The following STAT5B variants were observed in gnomAD, a reference collection of about 807,000 sequenced individuals.
The protein encoded by STAT5B is signal transducer and activator of transcription 5B.
In STAT5B, 21 loss-of-function variants were observed where a neutral mutation model predicts 107.8. That is an observed-to-expected ratio of 0.19 (90% confidence interval 0.14 to 0.28). The LOEUF (loss-of-function observed/expected upper bound fraction) is 0.28. STAT5B is among the 10% of genes least tolerant of loss of function. The pLI is 1.00. For synonymous variants in STAT5B, 325 were observed against 401.7 expected, an observed-to-expected ratio of 0.81 and a Z score of 2.28; for missense variants, 565 against 1,008.2, an observed-to-expected ratio of 0.56 and a Z score of 5.95.
intron 11 of STAT5B, among the ~76,000 whole-genome samples, chr17:42,216,417 A>C (rs1307141306): frequency 6.6e-6 from 1 of 152,196 alleles, no homozygotes; most frequent in Non-Finnish European, 1.5e-5. Context: ...ACAAATAACA[A>C]ATTTAAAACT....
intron 1 of STAT5B, among the ~76,000 whole-genome samples, chr17:42,258,505 CCT>C (rs2080566375): frequency 1.3e-5 from 2 of 152,090 alleles, no homozygotes; most frequent in African/African-American, 4.8e-5. Flanking sequence ...ATGGTGAAAC[CCT>C]GTCTCTACTA....
At chr17:42,238,495 C>T (rs1204952851) in intron 1 of STAT5B, among the ~76,000 whole-genome samples, 10 of 147,682 alleles carry the variant, frequency 6.8e-5, no homozygotes, top group Non-Finnish European at 1.0e-4. Flanking sequence ...CGTTCTGTCA[C>T]CCAGGCTGGA....
chr17:42,217,326 T>C lies in STAT5B; in HGVS notation c.1258-44A>G, dbSNP rs772742413. ...AGATGAAACGTAAGATATAAGTTGTTCCCCTCAAAGACCAGGGAAAAATTC... is the reference window on the plus strand; with the variant it reads ...AGATGAAACGTAAGATATAAGTTGTCCCCCTCAAAGACCAGGGAAAAATTC... On this transcript the variant is annotated intron_variant, in intron 10 of 18. Transcript: ENST00000293328. The C allele has an allele frequency of 5.6e-6, 9 of 1,614,092 alleles. No individual in the cohort carries two copies. The Admixed American group carries it at 1.2e-4, about 21-fold the overall frequency.
chr17:42,249,599 T>C (rs914009028), intron 1 of STAT5B, among the ~76,000 whole-genome samples: 1 of 152,108 alleles, frequency 6.6e-6, no homozygotes, highest in Admixed American at 6.6e-5. Context: ...TATATAAGTT[T>C]CTTAGATTAG....
At chr17:42,262,833 T>TAC (rs1162318251) in intron 1 of STAT5B, among the ~76,000 whole-genome samples, 5 of 119,658 alleles carry the variant, frequency 4.2e-5, no homozygotes, top group East Asian at 2.5e-4. Flanking sequence ...TGTGTATATA[T>TAC]ACACACATAT....
intron 16 of STAT5B, among the ~76,000 whole-genome samples, chr17:42,203,789 GCTA>G (rs1412068041): frequency 6.6e-6 from 1 of 152,024 alleles, no homozygotes; most frequent in African/African-American, 2.4e-5. Flanking sequence ...ACCATGCCCA[GCTA>G]CTTTTTATAT....
chr17:42,207,489 A>ACACG (rs2080094564), intron 16 of STAT5B, 69 bp downstream of exon 16: 2 of 22,932 alleles, frequency 8.7e-5, no homozygotes, highest in Non-Finnish European at 2.3e-4. Flanking sequence ...GCAGGTATGC[A>ACACG]CACACACACA....
intron 1 of STAT5B, among the ~76,000 whole-genome samples, chr17:42,236,308 CTGAAAATTATCTATATG>C (rs2080355835): frequency 6.6e-6 from 1 of 152,074 alleles, no homozygotes; most frequent in African/African-American, 2.4e-5. Context: ...TACTGTTAAA[CTGAAAATTATCTATATG>C]TGAAATATGA....
chr17:42,275,528 A>T (rs1401816706), intron 1 of STAT5B: 2 of 152,144 alleles, frequency 1.3e-5, no homozygotes, highest in African/African-American at 4.8e-5. Context: ...TTAGCCTCAG[A>T]CCAGCTTTTG....
chr17:42,241,201 G>T (rs571887505), intron 1 of STAT5B, among the ~76,000 whole-genome samples: 1 of 151,994 alleles, frequency 6.6e-6, no homozygotes, highest in Admixed American at 6.6e-5. Context: ...TTAGCCAGGC[G>T]TGGTGGTGCA....
At chr17:42,224,313 A>T (rs1305023439) in intron 4 of STAT5B, among the ~76,000 whole-genome samples, 1 of 151,950 alleles carries the variant, frequency 6.6e-6, no homozygotes, top group East Asian at 1.9e-4. Context: ...CAAGGTTATA[A>T]ATCAGTTAAG....
At chr17:42,258,229 G>T (rs1344513997) in intron 1 of STAT5B, among the ~76,000 whole-genome samples, 2 of 152,050 alleles carry the variant, frequency 1.3e-5, no homozygotes, top group Non-Finnish European at 2.9e-5. Context: ...AAAATAAAGG[G>T]GTTCCTAAAG....
At chr17:42,229,053 T>A (rs2144287191) in intron 2 of STAT5B, among the ~76,000 whole-genome samples, 1 of 152,348 alleles carries the variant, frequency 6.6e-6, no homozygotes, top group African/African-American at 2.4e-5. Flanking sequence ...ATGTGTGCCC[T>A]ATGTATTAAA....
intron 1 of STAT5B, among the ~76,000 whole-genome samples, chr17:42,238,541 G>A (rs564172480): frequency 2.8e-5 from 4 of 144,782 alleles, no homozygotes; most frequent in South Asian, 2.3e-4. Context: ...TGCAACCTCC[G>A]CCTCCCGGGT....
At chr17:42,226,750 G>A (rs1333847583) in intron 3 of STAT5B, among the ~76,000 whole-genome samples, 1 of 148,786 alleles carries the variant, frequency 6.7e-6, no homozygotes, top group Non-Finnish European at 1.5e-5. Flanking sequence ...GGAGGTTGCG[G>A]TGAGCCGAGA....
intron 1 of STAT5B, among the ~76,000 whole-genome samples, chr17:42,237,257 T>C (rs573087022): frequency 6.6e-6 from 1 of 152,244 alleles, no homozygotes; most frequent in African/African-American, 2.4e-5. Flanking sequence ...TAATAAAAGT[T>C]TCAAAGTCTA....
chr17:42,204,348 G>T (rs892921901), intron 16 of STAT5B, among the ~76,000 whole-genome samples: 4 of 152,108 alleles, frequency 2.6e-5, no homozygotes, highest in Non-Finnish European at 5.9e-5. Context: ...CTTGTTTCTG[G>T]GTACGTGAAT....
intron 16 of STAT5B, 91 bp from the exon 17 acceptor site, chr17:42,202,899 C>T: frequency 6.7e-7 from 1 of 1,502,306 alleles, no homozygotes; most frequent in South Asian, 1.1e-5. Context: ...TAGGACAGAA[C>T]ACAACCACCT....
chr17:42,207,570 C>T lies in STAT5B; in HGVS notation c.2065G>A (p.Glu689Lys), dbSNP rs778995803. 4.3e-6 allele frequency: 7 copies of T among 1,613,816 alleles called. No individual in the cohort carries two copies. Among genetic ancestry groups the T allele is most frequent in the African/African-American group, 2.7e-5 (2 of 74,802 alleles). ...YSKYYTPVPC[E>K]SATAKAVDGY... ...CGAACATTGTTACCAGTAGCAGACTCGCAGGGAACTGGTGTGTAGTATTTG... is the reference window on the plus strand; with the variant it reads ...CGAACATTGTTACCAGTAGCAGACTTGCAGGGAACTGGTGTGTAGTATTTG... Residue 689 changes from glutamate (E) to lysine (K), a missense_variant, in exon 16 of 19, where the codon GAG (glutamate) becomes AAG (lysine). By Grantham distance (56) the Glu-to-Lys change is moderately conservative. Transcript: ENST00000293328.
Sources: gnomAD v4.1 joint callset for allele counts (sites outside exome capture counted in the v4.1 genomes callset) on GRCh38, gnomAD v4.1.1 for gene constraint, MANE v1.5 for transcripts, NCBI Gene and HGNC (gene_info 2026-07-23, HGNC 2026-07-21) for gene names.